RNF220: variants seen among roughly 807,000 people sequenced by gnomAD.
RNF220 encodes the protein E3 ubiquitin-protein ligase RNF220.
In RNF220, 7 loss-of-function variants were observed where a neutral mutation model predicts 67.1. The observed-to-expected ratio is 0.10, with a 90% CI of 0.06 to 0.20. The LOEUF is 0.20. Ranked by LOEUF, RNF220 falls within the 10% of genes least tolerant of loss-of-function variation. RNF220 has a pLI of 1.00. For missense variants in RNF220, 565 were observed against 740.3 expected, an observed-to-expected ratio of 0.76 and a Z score of 2.75; for synonymous variants, 270 against 283.2, an observed-to-expected ratio of 0.95 and a Z score of 0.47.
intron 2 of RNF220, among the ~76,000 whole-genome samples, chr1:44,537,049 A>G (rs1661287056): frequency 1.4e-5 from 2 of 145,282 alleles, no homozygotes; most frequent in African/African-American, 2.5e-5. Context: ...AAGTTCTAGT[A>G]TATTACAAGG....
intron 2 of RNF220, among the ~76,000 whole-genome samples, chr1:44,594,007 C>T (rs1666292236): frequency 6.6e-6 from 1 of 151,190 alleles, no homozygotes; most frequent in Non-Finnish European, 1.5e-5. Flanking sequence ...ATCGCTTGAG[C>T]CTGGGAGGCG....
chr1:44,465,230 C>G (rs77986596), intron 2 of RNF220, among the ~76,000 whole-genome samples: 4,114 of 152,100 alleles, frequency 0.027, 121 homozygotes, highest in South Asian at 0.16. Flanking sequence ...CCTCCCACTG[C>G]GACACCAGTG....
chr1:44,547,589 T>A lies in RNF220; in HGVS notation c.626-66576T>A, dbSNP rs150349506. ...TTTCCCAGTGTTCTACCTTTGACCCTCTTCTCTCGGTGCACACTTTAATCT... is the reference window on the plus strand; with the variant it reads ...TTTCCCAGTGTTCTACCTTTGACCCACTTCTCTCGGTGCACACTTTAATCT... On this transcript the variant is annotated intron_variant, in intron 2 of 14. Coordinates refer to ENST00000361799, the MANE Select transcript of RNF220 (RefSeq NM_018150.4). Among the ~76,000 whole-genome samples the A allele has an allele frequency of 2.0e-5, 3 of 151,982 alleles. No homozygotes were observed. The East Asian group carries it at 5.8e-4, about 29-fold the overall frequency.
At chr1:44,605,941 T>G (rs1181687840) in intron 2 of RNF220, among the ~76,000 whole-genome samples, 1 of 152,108 alleles carries the variant, frequency 6.6e-6, no homozygotes, top group Non-Finnish European at 1.5e-5. Flanking sequence ...GCACAGCTGT[T>G]CCCAGGACAT....
chr1:44,637,421 G>C (rs1644361092), intron 8 of RNF220, among the ~76,000 whole-genome samples: 1 of 152,240 alleles, frequency 6.6e-6, no homozygotes, highest in Non-Finnish European at 1.5e-5. Flanking sequence ...CCCTAGAAGA[G>C]TGAGCAGCAG....
intron 2 of RNF220, among the ~76,000 whole-genome samples, chr1:44,525,792 C>T (rs1042774420): frequency 1.3e-5 from 2 of 152,212 alleles, no homozygotes; most frequent in African/African-American, 4.8e-5. Context: ...TGCACTCCTA[C>T]AGCAGATTCC....
chr1:44,527,939 A>G (rs1467368977), intron 2 of RNF220, among the ~76,000 whole-genome samples: 59 of 129,990 alleles, frequency 4.5e-4, no homozygotes, highest in African/African-American at 9.4e-4. Flanking sequence ...AAAAAAAAAA[A>G]AAAAAAAAAA....
At chr1:44,436,833 G>A (rs1456299485) in intron 2 of RNF220, among the ~76,000 whole-genome samples, 1 of 152,178 alleles carries the variant, frequency 6.6e-6, no homozygotes, top group African/African-American at 2.4e-5. Flanking sequence ...GGACCCCAGA[G>A]CGCCCTCTCG....
At chr1:44,648,081 C>G (rs1006155560) in intron 12 of RNF220, among the ~76,000 whole-genome samples, 1 of 152,212 alleles carries the variant, frequency 6.6e-6, no homozygotes, top group Non-Finnish European at 1.5e-5. Context: ...TCTTGGGCCT[C>G]TTGGCCTCTG....
At chr1:44,625,918 C>T (rs114043932) in intron 4 of RNF220, among the ~76,000 whole-genome samples, 2,320 of 152,176 alleles carry the variant, frequency 0.015, 82 homozygotes, top group African/African-American at 0.054. Context: ...GTATTAAGGG[C>T]AGGCGGGGTA....
At position 44,649,369 on chromosome 1, in the gene RNF220, C is replaced by A; in HGVS notation, c.1446-292C>A. On this transcript the variant is annotated intron_variant, in intron 12 of 14. Transcript: ENST00000361799. The surrounding 1 kb of genome is among the most constrained non-coding windows in gnomAD (Gnocchi z 5.9). ...GTGGTGAGGAGAGATGCCGGAGATACTAGGAGAGATGACAGATTTGGGTGG... is the reference window on the plus strand; with the variant it reads ...GTGGTGAGGAGAGATGCCGGAGATAATAGGAGAGATGACAGATTTGGGTGG... 2.1e-6 allele frequency: 1 copy of A among 471,140 alleles called. No individual in the cohort carries two copies. Among genetic ancestry groups the A allele is most frequent in the Non-Finnish European group, 3.9e-6 (1 of 257,158 alleles). 29.2% of individuals were successfully genotyped at this position (471,140 alleles called of 1,614,324 possible). A position where few individuals can be genotyped will look rare whatever the true frequency, so the allele number is the denominator to read the frequency against.
chr1:44,584,212 G>A (rs1665524483), intron 2 of RNF220, among the ~76,000 whole-genome samples: 1 of 152,154 alleles, frequency 6.6e-6, no homozygotes, highest in African/African-American at 2.4e-5. Context: ...CCCTTAGATT[G>A]TCCCTCCTTT....
chr1:44,445,391 TA>T (rs1173547347), intron 2 of RNF220, among the ~76,000 whole-genome samples: 2 of 152,198 alleles, frequency 1.3e-5, no homozygotes, highest in Non-Finnish European at 2.9e-5. Context: ...TTCCCGTCCC[TA>T]AAACCCTTCA....
intron 2 of RNF220, among the ~76,000 whole-genome samples, chr1:44,471,389 G>T (rs1005960005): frequency 6.6e-6 from 1 of 152,134 alleles, no homozygotes; most frequent in African/African-American, 2.4e-5. Flanking sequence ...TCGTGCCACT[G>T]CACTCCCAGC....
chr1:44,617,153 C>G (rs270727), intron 3 of RNF220, among the ~76,000 whole-genome samples: 41,940 of 152,180 alleles, frequency 0.28, 5,996 homozygotes, highest in Non-Finnish European at 0.31. Flanking sequence ...CCCCTCCAAC[C>G]GGGTGTCTGA....
intron 1 of RNF220, among the ~76,000 whole-genome samples, chr1:44,409,301 T>G (rs527491422): frequency 6.6e-6 from 1 of 152,382 alleles, no homozygotes; most frequent in South Asian, 2.1e-4. Context: ...CCTCACTGCC[T>G]GCCAGACAAT....
chr1:44,511,916 CGTGTGTGTGTGTGT>C (rs71728249), intron 2 of RNF220, among the ~76,000 whole-genome samples: 2 of 147,706 alleles, frequency 1.4e-5, no homozygotes, highest in African/African-American at 5.0e-5. Context: ...CGTGTGTGTG[CGTGTGTGTGTGTGT>C]GTGTGTGTGT....
At chr1:44,642,647 C>T (rs1007376273) in intron 8 of RNF220, among the ~76,000 whole-genome samples, 8 of 152,196 alleles carry the variant, frequency 5.3e-5, no homozygotes, top group Non-Finnish European at 1.2e-4. Context: ...GAGAAAAGGA[C>T]TTCAGGCTAC....
chr1:44,424,586 G>A (rs1262807661), intron 2 of RNF220, among the ~76,000 whole-genome samples: 1 of 152,184 alleles, frequency 6.6e-6, no homozygotes, highest in Non-Finnish European at 1.5e-5. Flanking sequence ...CCACTGAGGA[G>A]TCTGGGCAGG....
Sources: gnomAD v4.1 joint callset for allele counts (sites outside exome capture counted in the v4.1 genomes callset) on GRCh38, gnomAD v4.1.1 for gene constraint, Gnocchi (gnomAD v3.1) non-coding constraint, MANE v1.5 for transcripts, NCBI Gene and HGNC (gene_info 2026-07-23, HGNC 2026-07-21) for gene names.